The following EXOC6 variants were observed in gnomAD, a reference collection of about 807,000 sequenced individuals.
EXOC6 encodes exocyst complex component 6.
EXOC6 carries 60 observed loss-of-function variants against 112.5 expected under a neutral mutation model. That is an observed-to-expected ratio of 0.53 (90% CI 0.43 to 0.66). EXOC6 has a LOEUF of 0.66. Ranked by LOEUF, EXOC6 falls within the 30% of genes least tolerant of loss-of-function variation. The pLI, the probability that EXOC6 is intolerant of heterozygous loss-of-function variation, is 0.00. For synonymous variants in EXOC6, 295 were observed against 308.0 expected, an observed-to-expected ratio of 0.96 and a Z score of 0.44; for missense variants, 855 against 957.1, an observed-to-expected ratio of 0.89 and a Z score of 1.41.
At chr10:93,038,207 A>G (rs1197244228) in intron 20 of EXOC6, among the ~76,000 whole-genome samples, 1 of 152,182 alleles carries the variant, frequency 6.6e-6, no homozygotes, top group East Asian at 1.9e-4. Context: ...TTTGTTTTAC[A>G]TACTAGTGGA....
chr10:92,996,571 T>A (rs1360871660), intron 18 of EXOC6, among the ~76,000 whole-genome samples: 3 of 149,948 alleles, frequency 2.0e-5, no homozygotes, highest in South Asian at 2.1e-4. Context: ...GAGCCGAGAT[T>A]GCGCCAGCCC....
At chr10:92,827,053 T>C (rs1846397103) in intron 1 of EXOC6, among the ~76,000 whole-genome samples, 1 of 152,226 alleles carries the variant, frequency 6.6e-6, no homozygotes, top group Non-Finnish European at 1.5e-5. Flanking sequence ...TTCATAACGA[T>C]ATTATTTGAA....
chr10:92,958,874 T>A (rs1463077836), intron 17 of EXOC6, among the ~76,000 whole-genome samples: 3 of 152,088 alleles, frequency 2.0e-5, no homozygotes, highest in Non-Finnish European at 4.4e-5. Flanking sequence ...GGTGGGCGGA[T>A]CATGAGGTCA....
At chr10:93,029,479 A>G (rs916056728) in intron 20 of EXOC6, among the ~76,000 whole-genome samples, 16 of 151,940 alleles carry the variant, frequency 1.1e-4, no homozygotes, top group South Asian at 8.3e-4. Flanking sequence ...ATTTTTCTCT[A>G]TTGGGTTGTC....
intron 20 of EXOC6, among the ~76,000 whole-genome samples, chr10:93,028,694 C>T (rs765617379): frequency 2.0e-5 from 3 of 152,040 alleles, no homozygotes; most frequent in South Asian, 2.1e-4. Flanking sequence ...ATTAGTTGGA[C>T]GTGGTGGCAT....
At chr10:92,848,743 T>C (rs1309043828) in intron 1 of EXOC6, 109 bp downstream of exon 1, 1 of 915,048 alleles carries the variant, frequency 1.1e-6, no homozygotes. Context: ...CCCCGACAGG[T>C]GGTGCGCGCG....
chr10:92,885,555 T>C (rs1310437719), intron 1 of EXOC6, among the ~76,000 whole-genome samples: 1 of 152,106 alleles, frequency 6.6e-6, no homozygotes, highest in East Asian at 1.9e-4. Context: ...ATTTTTGTAT[T>C]TTTAGTAGAG....
At chr10:92,899,540 A>G in intron 4 of EXOC6, 59 bp from the exon 5 acceptor site, 4 of 1,186,532 alleles carry the variant, frequency 3.4e-6, no homozygotes, top group East Asian at 2.4e-5. Context: ...GATTATTTTC[A>G]TGTCTCAAAA....
chr10:93,024,999 G>A (rs1323314773), intron 20 of EXOC6, among the ~76,000 whole-genome samples: 1 of 152,124 alleles, frequency 6.6e-6, no homozygotes, highest in African/African-American at 2.4e-5. Context: ...AATTGTATGT[G>A]TAGATTATAT....
At position 92,865,408 on chromosome 10, in the gene EXOC6, C is replaced by T. The variant is rs191846443; in HGVS notation, c.101+16774C>T. Among the ~76,000 whole-genome samples, 30 of 151,490 alleles carry T rather than the reference C, an allele frequency of 2.0e-4. No individual in the cohort carries two copies. In the South Asian group the frequency reaches 2.6e-3, roughly 13 times the overall value. ...AAAATTAGCCAGGCGTGGTGGCGTG[C>T]GCCTGTAATCCCAGCTGCTTAGGAG... On this transcript the variant is annotated intron_variant, in intron 1 of 21. Coordinates refer to ENST00000260762, the MANE Select transcript of EXOC6 (RefSeq NM_019053.6).
intron 1 of EXOC6, among the ~76,000 whole-genome samples, chr10:92,885,564 A>G (rs1967817): frequency 0.26 from 39,224 of 151,888 alleles, 6,358 homozygotes; most frequent in East Asian, 0.74. Flanking sequence ...TTTTTAGTAG[A>G]GACAGCGTTT....
intron 1 of EXOC6, among the ~76,000 whole-genome samples, chr10:92,835,262 C>T (rs1246009761): frequency 1.3e-5 from 2 of 152,108 alleles, no homozygotes; most frequent in Non-Finnish European, 2.9e-5. Flanking sequence ...TGTATGGTGA[C>T]CATTCAGATA....
chr10:92,934,223 A>T (rs761862184), intron 10 of EXOC6, 33 bp downstream of exon 10: 1 of 1,521,848 alleles, frequency 6.6e-7, no homozygotes, highest in South Asian at 1.3e-5. Context: ...ACTATTATTA[A>T]TTTTATATTA....
At chr10:92,919,872 T>C (rs758588130) in intron 7 of EXOC6, 110 bp from the exon 8 acceptor site, 94 of 609,596 alleles carry the variant, frequency 1.5e-4, no homozygotes, top group Middle Eastern at 5.2e-4. Flanking sequence ...ATTGAATAAA[T>C]GTTGTAACAC....
chr10:92,835,467 G>A (rs546381942), intron 1 of EXOC6, among the ~76,000 whole-genome samples: 12 of 152,284 alleles, frequency 7.9e-5, no homozygotes, highest in South Asian at 6.2e-4. Flanking sequence ...AATTCTCTAT[G>A]TCTGCCTGTC....
chr10:93,014,148 A>G (rs1305746502), intron 19 of EXOC6, 46 bp from the exon 20 acceptor site: 1 of 1,413,180 alleles, frequency 7.1e-7, no homozygotes, highest in South Asian at 1.2e-5. Context: ...ACTCTTGTAT[A>G]TTTTGTGATC....
chr10:92,882,717 A>G (rs2133773633), intron 1 of EXOC6, among the ~76,000 whole-genome samples: 1 of 152,052 alleles, frequency 6.6e-6, no homozygotes, highest in East Asian at 1.9e-4. Flanking sequence ...TTGTTACTGA[A>G]ATTTTGGGTT....
intron 17 of EXOC6, among the ~76,000 whole-genome samples, chr10:92,963,042 A>T (rs763413591): frequency 6.6e-6 from 1 of 152,172 alleles, no homozygotes; most frequent in African/African-American, 2.4e-5. Flanking sequence ...AGAGATGAGG[A>T]TAAGGAAGAA....
At chr10:92,960,210 A>G (rs1453106485) in intron 17 of EXOC6, among the ~76,000 whole-genome samples, 1 of 152,242 alleles carries the variant, frequency 6.6e-6, no homozygotes, top group East Asian at 1.9e-4. Flanking sequence ...AGCCATTGAT[A>G]TAGAGGAAAC....
Sources: allele counts gnomAD v4.1 joint callset (sites outside exome capture counted in the v4.1 genomes callset), GRCh38; gene constraint gnomAD v4.1.1; transcripts MANE v1.5; gene names NCBI Gene and HGNC (gene_info 2026-07-23, HGNC 2026-07-21).